Variants in NLRP7 observed in about 807,000 individuals in gnomAD.
NLRP7 encodes the protein NLR family pyrin domain containing 7.
Under a neutral mutation model 85.5 loss-of-function variants are expected in NLRP7, and 72 were observed. The observed-to-expected ratio is 0.84, with a 90% confidence interval of 0.70 to 1.02. NLRP7 has a LOEUF of 1.02. Ranked by LOEUF, NLRP7 falls within the 50% of genes least tolerant of loss-of-function variation. NLRP7 has a pLI of 0.00. For missense variants in NLRP7, 1,243 were observed against 1,219.5 expected (o/e 1.02, Z -0.29); for synonymous variants, 550 against 505.2 (o/e 1.09, Z -1.19).
chr19:54,933,554 C>T lies in NLRP7; in HGVS notation c.2642+15G>A, dbSNP rs761411797. 1 of 1,613,664 alleles carries T rather than the reference C, an allele frequency of 6.2e-7. No individual in the cohort carries two copies. On this transcript the variant is annotated intron_variant, in intron 8 of 9. Coordinates refer to ENST00000340844, the Ensembl canonical transcript of NLRP7. Reference sequence around the variant, plus strand: ...AATTCATGTGCACACACACACACACCCAGCAGGGACTTACACCAAGGTCTG... The same window carrying T: ...AATTCATGTGCACACACACACACACTCAGCAGGGACTTACACCAAGGTCTG...
chr19:54,930,031 C>T (rs1452429543), intron 9 of NLRP7, among the ~76,000 whole-genome samples: 2 of 145,680 alleles, frequency 1.4e-5, no homozygotes, highest in African/African-American at 5.1e-5. Flanking sequence ...AGGAGAATAG[C>T]GAGAACCCGG....
At chr19:54,962,674 A>G (rs1013180559) in intron 1 of NLRP7, among the ~76,000 whole-genome samples, 2 of 151,030 alleles carry the variant, frequency 1.3e-5, no homozygotes, top group African/African-American at 4.9e-5. Flanking sequence ...ATCTCAGCTC[A>G]CTGCAAGCTC....
At chr19:54,952,847 G>C (rs1323850861) in intron 1 of NLRP7, among the ~76,000 whole-genome samples, 2 of 151,934 alleles carry the variant, frequency 1.3e-5, no homozygotes, top group African/African-American at 4.8e-5. Flanking sequence ...GACAGTTAAG[G>C]CATTCTCCAA....
exon 4 of NLRP7, chr19:54,940,370 ACGT>A (rs752596727): frequency 6.2e-7 from 1 of 1,614,058 alleles, no homozygotes; most frequent in African/African-American, 1.3e-5. Flanking sequence ...TCTCAGAGTG[ACGT>A]CGTCATGGAA....
exon 2 of NLRP7, chr19:54,941,717 TC>T (rs776039455): frequency 1.2e-5 from 20 of 1,611,554 alleles, no homozygotes; most frequent in Non-Finnish European, 1.7e-5. Context: ...GTCATAGTGC[TC>T]CGAGTATGAG....
chr19:54,945,754 A>G (rs887386829), intron 1 of NLRP7, among the ~76,000 whole-genome samples: 2 of 151,286 alleles, frequency 1.3e-5, no homozygotes, highest in Admixed American at 6.6e-5. Flanking sequence ...GCACCGCATC[A>G]CGCCGGGCTA....
chr19:54,943,463 T>C (rs953339261), intron 1 of NLRP7, among the ~76,000 whole-genome samples: 4 of 151,608 alleles, frequency 2.6e-5, no homozygotes, highest in Admixed American at 6.6e-5. Context: ...TAGCCGGGCG[T>C]GGTGGCGGGC....
At chr19:54,946,204 G>C (rs1602204092) in intron 1 of NLRP7, among the ~76,000 whole-genome samples, 1 of 151,416 alleles carries the variant, frequency 6.6e-6, no homozygotes, top group Non-Finnish European at 1.5e-5. Flanking sequence ...ACCGCATCTG[G>C]CCATTTACAT....
intron 1 of NLRP7, among the ~76,000 whole-genome samples, chr19:54,957,036 T>C: frequency 6.6e-6 from 1 of 151,778 alleles, no homozygotes; most frequent in Non-Finnish European, 1.5e-5. Flanking sequence ...ATTTATTTTA[T>C]TTTGAGACAG....
At chr19:54,940,726 G>A (rs1229029205) in intron 3 of NLRP7, among the ~76,000 whole-genome samples, 1 of 151,888 alleles carries the variant, frequency 6.6e-6, no homozygotes, top group Admixed American at 6.6e-5. Context: ...TACTCAGGAG[G>A]CTGAGGCAGA....
At chr19:54,943,363 A>G (rs1437879870) in intron 1 of NLRP7, among the ~76,000 whole-genome samples, 4 of 152,014 alleles carry the variant, frequency 2.6e-5, no homozygotes, top group Non-Finnish European at 5.9e-5. Context: ...GCACTTTGGG[A>G]GGCCGAGGCA....
intron 1 of NLRP7, among the ~76,000 whole-genome samples, chr19:54,946,109 G>A (rs1427673182): frequency 2.7e-5 from 4 of 149,040 alleles, no homozygotes; most frequent in Admixed American, 1.3e-4. Context: ...GTTTCTCTAT[G>A]TTGGCCAGGC....
At chr19:54,936,184 C>A in intron 6 of NLRP7, 77 bp downstream of exon 6, 1 of 1,339,938 alleles carries the variant, frequency 7.5e-7, no homozygotes. Flanking sequence ...GGAGTGGTTA[C>A]CCTTTTTCCT....
chr19:54,946,725 C>G (rs572950032), intron 1 of NLRP7, among the ~76,000 whole-genome samples: 105 of 152,150 alleles, frequency 6.9e-4, no homozygotes, highest in South Asian at 6.8e-3. Flanking sequence ...TTGCAACCTC[C>G]CCCTCCTAGG....
intron 9 of NLRP7, among the ~76,000 whole-genome samples, chr19:54,927,112 G>A (rs528613130): frequency 7.4e-4 from 106 of 144,196 alleles, no homozygotes; most frequent in African/African-American, 2.4e-3. Context: ...AAAAAGGCCG[G>A]GTGCAATGGC....
chr19:54,937,053 C>A (rs1451320111), intron 5 of NLRP7, among the ~76,000 whole-genome samples: 1 of 150,854 alleles, frequency 6.6e-6, no homozygotes, highest in Non-Finnish European at 1.5e-5. Context: ...CCCGTCTTTA[C>A]TAAAATTACA....
At chr19:54,953,688 G>A (rs1015929473) in intron 1 of NLRP7, among the ~76,000 whole-genome samples, 1 of 151,602 alleles carries the variant, frequency 6.6e-6, no homozygotes, top group Non-Finnish European at 1.5e-5. Context: ...TATGAGGGGT[G>A]GTCTCCTCCC....
intron 7 of NLRP7, 36 bp from the exon 8 acceptor site, chr19:54,933,775 A>T (rs756567337): frequency 6.3e-7 from 1 of 1,591,190 alleles, no homozygotes; most frequent in Non-Finnish European, 8.6e-7. Context: ...GAAGGATGAG[A>T]ACATTTCCAC....
upstream of NLRP7, among the ~76,000 whole-genome samples, chr19:54,951,341 G>A (rs2069661609): frequency 6.6e-6 from 1 of 152,150 alleles, no homozygotes; most frequent in South Asian, 2.1e-4. Context: ...AAGGTCAGGA[G>A]TTTGAGACCA....
Sources: allele counts gnomAD v4.1 joint callset (sites outside exome capture counted in the v4.1 genomes callset), GRCh38; gene constraint gnomAD v4.1.1; transcripts MANE v1.5; gene names NCBI Gene and HGNC (gene_info 2026-07-23, HGNC 2026-07-21).